Variants in ZDHHC21 observed in about 807,000 individuals in gnomAD.
ZDHHC21 encodes the protein zDHHC palmitoyltransferase 21.
Under a neutral mutation model 34.6 loss-of-function variants are expected in ZDHHC21, and 15 were observed. That is an observed-to-expected ratio of 0.43 (90% CI 0.29 to 0.67). The LOEUF is 0.67. ZDHHC21 is among the 30% of genes least tolerant of loss of function. ZDHHC21 has a pLI of 0.14. For missense variants in ZDHHC21, 344 were observed against 327.7 expected (o/e 1.05, Z -0.38); for synonymous variants, 142 against 101.8 (o/e 1.40, Z -2.38).
intron 2 of ZDHHC21, among the ~76,000 whole-genome samples, chr9:14,681,975 C>G (rs1037444789): frequency 3.3e-5 from 5 of 152,074 alleles, no homozygotes; most frequent in African/African-American, 1.2e-4. Context: ...AAATCCTTTA[C>G]AGACAAGCAA....
At chr9:14,595,853 C>T in the ZDHHC21 span, among the ~76,000 whole-genome samples, 1 of 152,190 alleles carries the variant, frequency 6.6e-6, no homozygotes, top group South Asian at 2.1e-4. Context: ...CATCATTAGC[C>T]ATCAGGCAAA....
chr9:14,675,124 G>GTA (rs966417432), intron 3 of ZDHHC21, among the ~76,000 whole-genome samples: 2 of 151,904 alleles, frequency 1.3e-5, no homozygotes, highest in Non-Finnish European at 2.9e-5. Context: ...GAAGACTCCT[G>GTA]TTTAAATGAG....
chr9:14,639,501 C>A (rs945035197), intron 8 of ZDHHC21, among the ~76,000 whole-genome samples: 1 of 151,988 alleles, frequency 6.6e-6, no homozygotes, highest in East Asian at 1.9e-4. Context: ...GCACAGAGGA[C>A]TTGAAATGTT....
intron 8 of ZDHHC21, 51 bp from the exon 9 acceptor site, chr9:14,619,733 T>C (rs1824945862): frequency 9.6e-7 from 1 of 1,037,600 alleles, no homozygotes; most frequent in Non-Finnish European, 1.3e-6. Flanking sequence ...ATTAAGTCTT[T>C]ATTCTGTATC....
At chr9:14,632,243 T>A (rs928040665) in intron 8 of ZDHHC21, among the ~76,000 whole-genome samples, 1 of 152,108 alleles carries the variant, frequency 6.6e-6, no homozygotes, top group East Asian at 1.9e-4. Context: ...CATAAAGATA[T>A]CTCTATGTCA....
At chr9:14,632,496 T>G (rs1276856946) in intron 8 of ZDHHC21, among the ~76,000 whole-genome samples, 3 of 151,586 alleles carry the variant, frequency 2.0e-5, no homozygotes, top group African/African-American at 7.2e-5. Context: ...ATAAAACCCT[T>G]AGAAGAAAAT....
At chr9:14,604,228 C>T in the ZDHHC21 span, among the ~76,000 whole-genome samples, 3 of 152,242 alleles carry the variant, frequency 2.0e-5, no homozygotes, top group Non-Finnish European at 2.9e-5. Flanking sequence ...ACATACCTTA[C>T]CATTCCACTA....
rs1824272231 is a variant in ZDHHC21 at position 14,616,782 on chromosome 9, A to G, written c.*2184T>C. On this transcript the variant is annotated 3_prime_UTR_variant, in exon 10 of 10. Transcript: ENST00000380916. ...GATAGCATTTCTGCATTCAAATAAA[A>G]TAAGTGTATGCTTTTCTAGTATATT... 1 of 151,906 alleles carries G rather than the reference A, an allele frequency of 6.6e-6. No individual in the cohort carries two copies. Among genetic ancestry groups the G allele is most frequent in the African/African-American group, 2.4e-5 (1 of 41,430 alleles). The allele number at this position is 151,906 out of a possible 1,614,324, so 9.4% of individuals were successfully genotyped here.
chr9:14,635,237 GAA>G (rs1828064609), intron 8 of ZDHHC21, among the ~76,000 whole-genome samples: 1 of 152,206 alleles, frequency 6.6e-6, no homozygotes, highest in Non-Finnish European at 1.5e-5. Flanking sequence ...AAGATAAAGA[GAA>G]AACAACAAAC....
intron 5 of ZDHHC21, among the ~76,000 whole-genome samples, chr9:14,670,527 G>A (rs145777549): frequency 4.7e-4 from 71 of 152,188 alleles, no homozygotes; most frequent in African/African-American, 1.6e-3. Context: ...CAGTGGCAGA[G>A]CTGAGGAGTT....
downstream of ZDHHC21, among the ~76,000 whole-genome samples, chr9:14,607,123 G>C (rs1823037665): frequency 2.0e-5 from 3 of 150,216 alleles, no homozygotes; most frequent in South Asian, 6.3e-4. Flanking sequence ...CCACTACAGA[G>C]GAATGGTTAA....
At chr9:14,687,554 C>G (rs1838521507) in intron 2 of ZDHHC21, among the ~76,000 whole-genome samples, 1 of 150,604 alleles carries the variant, frequency 6.6e-6, no homozygotes, top group Non-Finnish European at 1.5e-5. Flanking sequence ...GCCTGTAATC[C>G]CAGCTACTCG....
intron 8 of ZDHHC21, among the ~76,000 whole-genome samples, chr9:14,639,220 A>C (rs1828859201): frequency 1.3e-5 from 2 of 152,252 alleles, no homozygotes; most frequent in Admixed American, 1.3e-4. Context: ...ACATGGATGG[A>C]ACTGGAGGTC....
downstream of ZDHHC21, among the ~76,000 whole-genome samples, chr9:14,608,421 C>T (rs1215269921): frequency 6.6e-6 from 1 of 152,130 alleles, no homozygotes; most frequent in Non-Finnish European, 1.5e-5. Context: ...CACTCAAATA[C>T]GTGTCTACAG....
At chr9:14,674,732 G>A (rs534025655) in intron 3 of ZDHHC21, among the ~76,000 whole-genome samples, 1 of 152,010 alleles carries the variant, frequency 6.6e-6, no homozygotes, top group East Asian at 1.9e-4. Flanking sequence ...CAAAAGAAAT[G>A]AATACACGTG....
intron 5 of ZDHHC21, among the ~76,000 whole-genome samples, chr9:14,668,124 CCTT>C (rs1834817150): frequency 1.1e-5 from 1 of 88,774 alleles, no homozygotes; most frequent in Non-Finnish European, 2.2e-5. Flanking sequence ...CCCAAAATCT[CCTT>C]AAGCTGATAA....
intron 5 of ZDHHC21, 99 bp downstream of exon 5, chr9:14,672,731 G>A: frequency 1.3e-6 from 1 of 771,196 alleles, no homozygotes; most frequent in Non-Finnish European, 2.0e-6. Flanking sequence ...AGTGGTGTTA[G>A]ATGACATTTA....
chr9:14,605,972 T>C, the ZDHHC21 span, among the ~76,000 whole-genome samples: 1 of 152,104 alleles, frequency 6.6e-6, no homozygotes, highest in Non-Finnish European at 1.5e-5. Flanking sequence ...TTCAAGGGCA[T>C]AATAGTTAAA....
chr9:14,673,704 T>C (rs922132321), intron 4 of ZDHHC21, among the ~76,000 whole-genome samples: 2 of 148,724 alleles, frequency 1.3e-5, no homozygotes, highest in Non-Finnish European at 3.0e-5. Context: ...ATGTAAAATA[T>C]ATAATTTCAA....
Sources: gnomAD v4.1 joint callset for allele counts (sites outside exome capture counted in the v4.1 genomes callset) on GRCh38, gnomAD v4.1.1 for gene constraint, MANE v1.5 for transcripts, NCBI Gene and HGNC (gene_info 2026-07-23, HGNC 2026-07-21) for gene names.